The following FRMD3 variants were observed in gnomAD, a reference collection of about 807,000 sequenced individuals.
The protein encoded by FRMD3 is FERM domain containing 3.
A neutral mutation model predicts 70.2 loss-of-function variants in FRMD3; 33 were observed. The ratio of observed to expected loss-of-function variants is 0.47; its 90% confidence interval spans 0.36 to 0.63. The LOEUF (loss-of-function observed/expected upper bound fraction) is 0.63. Among genes scored for constraint, FRMD3 ranks in the 20% least tolerant of loss-of-function variants. The pLI is 0.00. For synonymous variants in FRMD3, 279 were observed against 255.9 expected (o/e 1.09, Z -0.86); for missense variants, 632 against 711.4 (o/e 0.89, Z 1.27).
At chr9:83,317,993 G>A (rs1003362177) in intron 6 of FRMD3, among the ~76,000 whole-genome samples, 7 of 152,140 alleles carry the variant, frequency 4.6e-5, no homozygotes, top group Non-Finnish European at 1.0e-4. Context: ...TCCAACCTCT[G>A]CACAATAAGC....
intron 1 of FRMD3, among the ~76,000 whole-genome samples, chr9:83,529,112 T>G (rs1299140000): frequency 6.6e-6 from 1 of 152,232 alleles, no homozygotes; most frequent in Non-Finnish European, 1.5e-5. Flanking sequence ...TTCAATCTGT[T>G]GCAATATCAC....
At chr9:83,523,201 CGGACGGAT>C (rs1470386801) in intron 1 of FRMD3, among the ~76,000 whole-genome samples, 4 of 150,020 alleles carry the variant, frequency 2.7e-5, no homozygotes, top group Admixed American at 1.3e-4. Context: ...GATGGACGGA[CGGACGGAT>C]GGATAGATTT....
Position 83,247,823 on chromosome 9 carries a change from G to A in FRMD3, c.*95C>T. On this transcript the variant is annotated 3_prime_UTR_variant, in exon 14 of 14. Transcript: ENST00000304195. ...AATCAATTATGAGTAAGGAACACCT[G>A]TTGACAGCCCCGTGACCCTTCAGAA... The A allele has an allele frequency of 6.6e-7, 1 of 1,525,150 alleles. No individual in the cohort carries two copies. Among genetic ancestry groups the A allele is most frequent in the Non-Finnish European group, 8.8e-7 (1 of 1,139,906 alleles). The allele number at this position is 1,525,150 out of a possible 1,614,324, so 94.5% of individuals were successfully genotyped here.
the FRMD3 span, among the ~76,000 whole-genome samples, chr9:83,548,982 G>T: frequency 7.2e-6 from 1 of 138,486 alleles, no homozygotes; most frequent in Non-Finnish European, 1.6e-5. Context: ...TAAGCTTGAG[G>T]GTACATGTGA....
chr9:83,475,387 C>A, intron 1 of FRMD3, among the ~76,000 whole-genome samples: 1 of 151,984 alleles, frequency 6.6e-6, no homozygotes, highest in East Asian at 1.9e-4. Context: ...CAAAAAGACC[C>A]AGCTGAAGAG....
the FRMD3 span, among the ~76,000 whole-genome samples, chr9:83,572,789 G>A: frequency 1.3e-5 from 2 of 152,152 alleles, no homozygotes; most frequent in Non-Finnish European, 2.9e-5. Context: ...AGGCAATGAA[G>A]CAAGAGAAAA....
At position 83,245,868 on chromosome 9, in the gene FRMD3, C is replaced by T. The variant is rs1832068012; in HGVS notation, c.*2050G>A. ...TTTCAATTTCAAACCTAGCCATCTG[C>T]AAGCTTCCAAAATAAATTGTTGAGG... On this transcript the variant is annotated 3_prime_UTR_variant, in exon 14 of 14. Transcript: ENST00000304195. 5.1e-6 allele frequency: 5 copies of T among 985,016 alleles called. No individual in the cohort carries two copies. Among genetic ancestry groups the T allele is most frequent in the Non-Finnish European group, 6.0e-6 (5 of 829,616 alleles). 61.0% of individuals were successfully genotyped at this position (985,016 alleles called of 1,614,324 possible).
chr9:83,489,741 G>T (rs1314627564), intron 1 of FRMD3, among the ~76,000 whole-genome samples: 1 of 152,122 alleles, frequency 6.6e-6, no homozygotes, highest in Non-Finnish European at 1.5e-5. Context: ...TATTCTTTTT[G>T]AATCAAACCT....
intron 1 of FRMD3, among the ~76,000 whole-genome samples, chr9:83,456,938 C>T (rs932097600): frequency 6.6e-6 from 1 of 152,068 alleles, no homozygotes; most frequent in Non-Finnish European, 1.5e-5. Context: ...TGTGATCATG[C>T]CACCACACTC....
At chr9:83,564,118 G>C in the FRMD3 span, among the ~76,000 whole-genome samples, 1 of 152,082 alleles carries the variant, frequency 6.6e-6, no homozygotes, top group Non-Finnish European at 1.5e-5. Flanking sequence ...CTCTCTCTAG[G>C]CCAATCCTCA....
chr9:83,265,383 G>A (rs1171869648), intron 13 of FRMD3, among the ~76,000 whole-genome samples: 3 of 119,992 alleles, frequency 2.5e-5, no homozygotes, highest in Non-Finnish European at 4.8e-5. Context: ...CTGGGCAACA[G>A]AGCGAGACTC....
Position 83,245,420 on chromosome 9 carries a change from CTT to C in FRMD3, c.*2496_*2497del. On this transcript the variant is annotated 3_prime_UTR_variant, in exon 14 of 14. Transcript: ENST00000304195. ...ATGGCATTTCAAGATTCCAGTTTAA[CTT>C]TTGATGGCTGTTTAAATTCAGCAGA... 1.0e-6 allele frequency: 1 copy of C among 985,392 alleles called. No individual in the cohort carries two copies. The highest frequency in any genetic ancestry group is 1.2e-6 in the Non-Finnish European group (1 of 829,918). 61.0% of individuals were successfully genotyped at this position (985,392 alleles called of 1,614,324 possible).
At chr9:83,559,910 TTATC>T in the FRMD3 span, among the ~76,000 whole-genome samples, 11 of 152,176 alleles carry the variant, frequency 7.2e-5, no homozygotes, top group East Asian at 1.7e-3. Flanking sequence ...ATCTTATATT[TTATC>T]TATCTTATTA....
intron 4 of FRMD3, among the ~76,000 whole-genome samples, chr9:83,348,989 T>C (rs1384616507): frequency 6.6e-6 from 1 of 152,198 alleles, no homozygotes; most frequent in African/African-American, 2.4e-5. Flanking sequence ...TTTTGAGAGA[T>C]GATTATAGCA....
chr9:83,580,446 A>G, the FRMD3 span, among the ~76,000 whole-genome samples: 403 of 152,280 alleles, frequency 2.6e-3, 2 homozygotes, highest in African/African-American at 9.2e-3. Flanking sequence ...AAAGAAGGCA[A>G]TTCTGTCACT....
intron 13 of FRMD3, among the ~76,000 whole-genome samples, chr9:83,260,624 C>A (rs540726266): frequency 2.9e-4 from 44 of 152,252 alleles, no homozygotes; most frequent in African/African-American, 9.6e-4. Flanking sequence ...GTAAGCTCTC[C>A]TGTGATGGTA....
chr9:83,389,818 C>T (rs761409461), intron 1 of FRMD3, 110 bp from the exon 2 acceptor site: 65 of 699,234 alleles, frequency 9.3e-5, no homozygotes, highest in Non-Finnish European at 1.3e-4. Flanking sequence ...TAAATGTGCT[C>T]ACTCCAGTCC....
intron 1 of FRMD3, among the ~76,000 whole-genome samples, chr9:83,431,256 G>C (rs1826967566): frequency 6.6e-6 from 1 of 152,120 alleles, no homozygotes; most frequent in African/African-American, 2.4e-5. Flanking sequence ...ATATGACATT[G>C]GTATAATGTA....
At chr9:83,462,199 TA>T (rs1827996389) in intron 1 of FRMD3, among the ~76,000 whole-genome samples, 2 of 152,190 alleles carry the variant, frequency 1.3e-5, no homozygotes, top group Admixed American at 1.3e-4. Flanking sequence ...GTGCAAGAAA[TA>T]CAACAGTTCT....
Sources: gnomAD v4.1 joint callset for allele counts (sites outside exome capture counted in the v4.1 genomes callset) on GRCh38, gnomAD v4.1.1 for gene constraint, MANE v1.5 for transcripts, NCBI Gene and HGNC (gene_info 2026-07-23, HGNC 2026-07-21) for gene names.